The following EPG5 variants were observed in gnomAD, a reference collection of about 807,000 sequenced individuals.
EPG5 encodes the protein ectopic P-granules 5 autophagy tethering factor, also known as ectopic P granules protein 5 homolog.
A neutral mutation model predicts 302.7 loss-of-function variants in EPG5; 159 were observed. That is an observed-to-expected ratio of 0.53 (90% CI 0.46 to 0.60). EPG5 has a LOEUF of 0.60. EPG5 is among the 20% of genes least tolerant of loss of function. The pLI, the probability that EPG5 is intolerant of heterozygous loss-of-function variation, is 0.00. For synonymous variants in EPG5, 1,158 were observed against 1,136.8 expected, an observed-to-expected ratio of 1.02 and a Z score of -0.37; for missense variants, 2,896 against 3,092.4, an observed-to-expected ratio of 0.94 and a Z score of 1.51.
At chr18:45,864,223 C>G (rs190339422) in intron 39 of EPG5, among the ~76,000 whole-genome samples, 8 of 152,298 alleles carry the variant, frequency 5.3e-5, no homozygotes, top group Non-Finnish European at 1.0e-4. Context: ...AGCAATCCTC[C>G]TGCCTCCGCC....
chr18:45,867,118 AACAGT>A (rs2048763759), intron 37 of EPG5, 111 bp from the exon 38 acceptor site: 1 of 723,340 alleles, frequency 1.4e-6, no homozygotes, highest in African/African-American at 1.8e-5. Flanking sequence ...GTAAGCACAG[AACAGT>A]TATGATATCA....
At chr18:45,941,068 G>A (rs1203870809) in intron 9 of EPG5, among the ~76,000 whole-genome samples, 1 of 152,178 alleles carries the variant, frequency 6.6e-6, no homozygotes, top group Non-Finnish European at 1.5e-5. Context: ...AAAGATGAAT[G>A]AATGACATCT....
chr18:45,858,875 T>C, intron 40 of EPG5, 93 bp from the exon 41 acceptor site: 1 of 995,056 alleles, frequency 1.0e-6, no homozygotes, highest in East Asian at 2.6e-5. Flanking sequence ...TTCATGATTT[T>C]TTTTTTTGAC....
the EPG5 span, chr18:45,829,014 G>A: frequency 2.3e-6 from 2 of 862,860 alleles, no homozygotes; most frequent in Non-Finnish European, 2.8e-6. Context: ...AGTCCTATCT[G>A]GGGCGGGAAG....
intron 39 of EPG5, among the ~76,000 whole-genome samples, chr18:45,860,611 G>C (rs1165757225): frequency 1.3e-5 from 2 of 152,194 alleles, no homozygotes; most frequent in East Asian, 3.8e-4. Context: ...TTAATAAATA[G>C]ACAAATCTGA....
At chr18:45,842,074 T>G in the EPG5 span, 1 of 1,608,662 alleles carries the variant, frequency 6.2e-7, no homozygotes, top group Non-Finnish European at 8.5e-7. Flanking sequence ...CCCACCTGTT[T>G]GGATGATCAT....
chr18:45,847,308 C>A (rs1025495424), downstream of EPG5, among the ~76,000 whole-genome samples: 1 of 152,166 alleles, frequency 6.6e-6, no homozygotes, highest in African/African-American at 2.4e-5. Context: ...AGAAGCACCC[C>A]CACTCCCACC....
chr18:45,823,775 G>C, the EPG5 span, among the ~76,000 whole-genome samples: 1 of 152,198 alleles, frequency 6.6e-6, no homozygotes, highest in African/African-American at 2.4e-5. Context: ...GAACAGACCA[G>C]CAAACAAACG....
chr18:45,923,211 C>T, intron 15 of EPG5, 57 bp downstream of exon 15: 1 of 1,578,174 alleles, frequency 6.3e-7, no homozygotes. Context: ...ATCTTTATTT[C>T]TAAATGTCTT....
chr18:45,940,900 A>AG (rs1022008096), intron 9 of EPG5, among the ~76,000 whole-genome samples: 2 of 152,170 alleles, frequency 1.3e-5, no homozygotes, highest in Non-Finnish European at 2.9e-5. Context: ...TAGTTTGGGA[A>AG]GGGGGGAGAG....
Position 45,867,591 on chromosome 18 carries a change from G to A in EPG5, c.6383C>T (p.Ala2128Val). The A allele has an allele frequency of 1.9e-6, 3 of 1,613,970 alleles. No homozygotes were observed. Among genetic ancestry groups the A allele is most frequent in the Non-Finnish European group, 2.5e-6 (3 of 1,179,978 alleles). The change falls in exon 37 of 44, where the codon GCA becomes GTA. Residue 2128 changes from alanine (A) to valine (V), a missense_variant. Physicochemically the swap from Ala to Val is moderately conservative, Grantham distance 64. Coordinates refer to ENST00000282041, the MANE Select transcript of EPG5 (RefSeq NM_020964.3). Reference sequence around the variant, plus strand: ...TTGGTCTACCAGTTGAACTTCCTTTGCCAATAAAATCATCATGAAAAGGAG... The same window carrying A: ...TTGGTCTACCAGTTGAACTTCCTTTACCAATAAAATCATCATGAAAAGGAG... ...VCLLFMMILL[A>V]KEVQLVDQTD...
At chr18:45,859,393 A>G (rs941803969) in intron 40 of EPG5, among the ~76,000 whole-genome samples, 1 of 152,172 alleles carries the variant, frequency 6.6e-6, no homozygotes, top group African/African-American at 2.4e-5. Context: ...TGTGCTGTTC[A>G]TGGGTGGTCA....
the EPG5 span, among the ~76,000 whole-genome samples, chr18:45,823,055 AAC>A: frequency 6.6e-6 from 1 of 152,166 alleles, no homozygotes; most frequent in Non-Finnish European, 1.5e-5. Context: ...ACTGTGGAAA[AAC>A]ACACAGGTAG....
intron 27 of EPG5, among the ~76,000 whole-genome samples, chr18:45,892,762 C>T (rs934641061): frequency 3.9e-5 from 6 of 152,166 alleles, no homozygotes; most frequent in African/African-American, 7.2e-5. Context: ...ATAGCTCAGA[C>T]GCTTGCAGAT....
At chr18:45,940,629 G>A (rs72918366) in intron 9 of EPG5, among the ~76,000 whole-genome samples, 15,153 of 152,194 alleles carry the variant, frequency 0.1, 894 homozygotes, top group African/African-American at 0.16. Flanking sequence ...CAATTAGAAC[G>A]TCAGAATCCA....
chr18:45,818,732 C>CTTTTTTTTTTT, the EPG5 span, among the ~76,000 whole-genome samples: 1 of 111,402 alleles, frequency 9.0e-6, no homozygotes, highest in Non-Finnish European at 1.7e-5. Flanking sequence ...TTTTGCATAA[C>CTTTTTTTTTTT]TTTTTTTTTT....
chr18:45,877,931 T>A (rs1419418240), intron 34 of EPG5, among the ~76,000 whole-genome samples: 1 of 152,220 alleles, frequency 6.6e-6, no homozygotes, highest in Non-Finnish European at 1.5e-5. Context: ...TACCTCTAAG[T>A]ATTTCAAATG....
the EPG5 span, among the ~76,000 whole-genome samples, chr18:45,832,880 C>T: frequency 6.6e-6 from 1 of 152,174 alleles, no homozygotes; most frequent in Non-Finnish European, 1.5e-5. Flanking sequence ...ACCCTGAGTC[C>T]TCTGGGCAGC....
Position 45,929,486 on chromosome 18 carries a change from A to G in EPG5, c.2413-477T>C, listed in dbSNP as rs529663598. Among the ~76,000 whole-genome samples the G allele has an allele frequency of 2.0e-4, 31 of 152,316 alleles. No individual in the cohort carries two copies. The East Asian group carries it at 5.4e-3, about 27-fold the overall frequency. On this transcript the variant is annotated intron_variant, in intron 12 of 43. Coordinates refer to ENST00000282041, the MANE Select transcript of EPG5 (RefSeq NM_020964.3). ...GTTACAATCCATTAATGCCAATGGT[A>G]TTTTTTAACACAATGGAATATACAG...
Sources: gnomAD v4.1 joint callset for allele counts (sites outside exome capture counted in the v4.1 genomes callset) on GRCh38, gnomAD v4.1.1 for gene constraint, MANE v1.5 for transcripts, NCBI Gene and HGNC (gene_info 2026-07-23, HGNC 2026-07-21) for gene names.